EML5: variants seen among roughly 807,000 people sequenced by gnomAD.
The protein encoded by EML5 is echinoderm microtubule-associated protein-like 5.
A neutral mutation model predicts 250.0 loss-of-function variants in EML5; 120 were observed. That is an observed-to-expected ratio of 0.48 (90% CI 0.41 to 0.56). The LOEUF is 0.56. Among genes scored for constraint, EML5 ranks in the 20% least tolerant of loss-of-function variants. EML5 has a pLI of 0.00. For missense variants in EML5, 2,006 were observed against 2,437.6 expected, an observed-to-expected ratio of 0.82 and a Z score of 3.73; for synonymous variants, 771 against 806.5, an observed-to-expected ratio of 0.96 and a Z score of 0.75.
At chr14:88,743,433 G>C (rs1053350760) in intron 4 of EML5, among the ~76,000 whole-genome samples, 1 of 152,002 alleles carries the variant, frequency 6.6e-6, no homozygotes, top group Non-Finnish European at 1.5e-5. Context: ...TCAAATCAGG[G>C]AGCAAATATA....
At chr14:88,712,086 A>G (rs763388774) in intron 10 of EML5, among the ~76,000 whole-genome samples, 185 bp downstream of exon 10, 1 of 152,240 alleles carries the variant, frequency 6.6e-6, no homozygotes, top group Admixed American at 6.5e-5. Flanking sequence ...ATTTTCTAAT[A>G]AAACTTCATG....
intron 6 of EML5, among the ~76,000 whole-genome samples, chr14:88,737,650 T>C (rs11850506): frequency 0.011 from 1,610 of 152,356 alleles, 30 homozygotes; most frequent in African/African-American, 0.036. Flanking sequence ...AGAAGAAATA[T>C]GTAAGTCCTT....
At chr14:88,701,130 G>C (rs2093200233) in intron 14 of EML5, among the ~76,000 whole-genome samples, 1 of 152,082 alleles carries the variant, frequency 6.6e-6, no homozygotes, top group Non-Finnish European at 1.5e-5. Context: ...ACCAGGCTTT[G>C]TACATATTTC....
At chr14:88,723,368 G>C (rs2093619268) in intron 8 of EML5, among the ~76,000 whole-genome samples, 1 of 152,184 alleles carries the variant, frequency 6.6e-6, no homozygotes, top group African/African-American at 2.4e-5. Flanking sequence ...GACAGATACT[G>C]CATGATCTTG....
chr14:88,702,970 G>C (rs1388033287), intron 13 of EML5, among the ~76,000 whole-genome samples: 1 of 151,940 alleles, frequency 6.6e-6, no homozygotes, highest in African/African-American at 2.4e-5. Flanking sequence ...GCCCAGGCTG[G>C]TCTCAAACTC....
At chr14:88,683,635 C>T (rs1192449545) in intron 20 of EML5, among the ~76,000 whole-genome samples, 1 of 152,102 alleles carries the variant, frequency 6.6e-6, no homozygotes, top group African/African-American at 2.4e-5. Context: ...CATATCACAA[C>T]CAAGTGGGAT....
At chr14:88,776,582 T>G (rs763518357) in intron 1 of EML5, among the ~76,000 whole-genome samples, 11 of 151,042 alleles carry the variant, frequency 7.3e-5, no homozygotes, top group Admixed American at 5.9e-4. Context: ...AAAGAAAAAA[T>G]AAAAAACAAT....
At chr14:88,738,490 C>CCTGA (rs1184469727) in intron 6 of EML5, among the ~76,000 whole-genome samples, 1 of 151,536 alleles carries the variant, frequency 6.6e-6, no homozygotes, top group Non-Finnish European at 1.5e-5. Context: ...TTTAAATTAT[C>CCTGA]CTGAACAAAA....
intron 1 of EML5, among the ~76,000 whole-genome samples, chr14:88,755,734 TATA>T (rs2094149999): frequency 6.6e-6 from 1 of 152,130 alleles, no homozygotes; most frequent in Non-Finnish European, 1.5e-5. Context: ...GGCTCATGCC[TATA>T]ATATCAGTGC....
intron 17 of EML5, among the ~76,000 whole-genome samples, chr14:88,688,769 A>G (rs1233363743): frequency 6.6e-6 from 1 of 152,224 alleles, no homozygotes; most frequent in African/African-American, 2.4e-5. Flanking sequence ...AAGAATACAA[A>G]AAGGCATTTA....
chr14:88,677,010 T>C (rs1200129516), intron 21 of EML5, among the ~76,000 whole-genome samples: 1 of 152,154 alleles, frequency 6.6e-6, no homozygotes, highest in Admixed American at 6.5e-5. Flanking sequence ...GTTCAAGCAA[T>C]TCTCTTGCCT....
chr14:88,704,935 T>C lies in EML5; in HGVS notation c.1976A>G (p.Glu659Gly). ...TTTAGAAGTAGCACTTTTTTGTTTCTCTTTGCACTGTTCTTTAAGCTGAGG... is the reference window on the plus strand; with the variant it reads ...TTTAGAAGTAGCACTTTTTTGTTTCCCTTTGCACTGTTCTTTAAGCTGAGG... ...DLPQLKEQCK[E>G]KQKSATSKRR... Residue 659 changes from glutamate (E) to glycine (G), a missense_variant, in exon 13 of 44, where the codon GAG becomes GGG. Glu to Gly is a moderately conservative substitution (Grantham distance 98). Coordinates refer to ENST00000554922, the MANE Select transcript of EML5 (RefSeq NM_183387.3). 1.2e-6 allele frequency: 2 copies of C among 1,613,176 alleles called. No individual in the cohort carries two copies.
At position 88,735,102 on chromosome 14, in the gene EML5, G is replaced by A. The variant is rs183677642; in HGVS notation, c.1049+1262C>T. Among the ~76,000 whole-genome samples, 640 of 152,228 alleles carry A rather than the reference G, an allele frequency of 4.2e-3. 3 individuals are homozygous for A. Among genetic ancestry groups the A allele is most frequent in the Non-Finnish European group, 7.0e-3 (476 of 67,982 alleles). On this transcript the variant is annotated intron_variant, in intron 7 of 43. Transcript: ENST00000554922. ...TCAGGGAAAAAAAAGACAAACTGGGGTAAACAAATCTCAATTCCTAAATTT... is the reference window on the plus strand; with the variant it reads ...TCAGGGAAAAAAAAGACAAACTGGGATAAACAAATCTCAATTCCTAAATTT...
Position 88,754,583 on chromosome 14 carries a change from G to T in EML5, c.286C>A (p.Gln96Lys), listed in dbSNP as rs192807332. The stretch of plus-strand genomic sequence containing the variant: ...ACATCCTTTAAAACTGATATGGTCT[G>T]CACAGTGTATGAATCCCAAATACAA... ...YICIWDSYTVQTISVLKDVHT... is the reference protein window; with the variant it reads ...YICIWDSYTVKTISVLKDVHT... Residue 96 changes from glutamine (Q) to lysine (K), a missense_variant, in exon 2 of 44, where the codon CAG becomes AAG. By Grantham distance (53) the Gln-to-Lys change is moderately conservative. This residue lies in a region of EML5 where 162 missense variants were observed against 212.2 expected (regional missense o/e 0.76). Transcript: ENST00000554922. The T allele has an allele frequency of 3.7e-5, 60 of 1,613,572 alleles. No individual in the cohort carries two copies. The East Asian group carries it at 9.6e-4, about 26-fold the overall frequency.
chr14:88,792,577 A>T lies in EML5; in HGVS notation c.-74T>A. 1 of 1,198,642 alleles carries T rather than the reference A, an allele frequency of 8.3e-7. No homozygotes were observed. The highest frequency in any genetic ancestry group is 1.0e-6 in the Non-Finnish European group (1 of 963,802). The allele number at this position is 1,198,642 out of a possible 1,614,324, so 74.3% of individuals were successfully genotyped here. A position where few individuals can be genotyped will look rare whatever the true frequency, so the allele number is the denominator to read the frequency against. On this transcript the variant is annotated 5_prime_UTR_variant, in exon 1 of 44. Coordinates refer to ENST00000554922, the MANE Select transcript of EML5 (RefSeq NM_183387.3). This position sits in a 1 kb window ranked among gnomAD's most constrained non-coding sequence, Gnocchi z 6.9. ...GAGGCGGCGGCGGCCCGGCAACGAA[A>T]GCCCTCCCGCTGGCTGCCGGGACTT...
intron 22 of EML5, among the ~76,000 whole-genome samples, chr14:88,664,891 C>CA (rs2092260775): frequency 6.6e-6 from 1 of 151,610 alleles, no homozygotes; most frequent in African/African-American, 2.4e-5. Context: ...TTGTATTTAA[C>CA]AAAACTCCCT....
chr14:88,716,249 G>GA (rs2093491303), intron 8 of EML5, among the ~76,000 whole-genome samples: 1 of 152,136 alleles, frequency 6.6e-6, no homozygotes, highest in Non-Finnish European at 1.5e-5. Context: ...AATAGAAATA[G>GA]AAAAATGAGC....
At chr14:88,770,884 A>G (rs184582179) in intron 1 of EML5, among the ~76,000 whole-genome samples, 1 of 152,358 alleles carries the variant, frequency 6.6e-6, no homozygotes, top group Non-Finnish European at 1.5e-5. Context: ...TCTGAAATAT[A>G]TGGAAAGAAC....
In EML5 at chr14:88,792,464, C is replaced by G; in HGVS notation, c.40G>C (p.Glu14Gln). The change falls in exon 1 of 44, where the codon GAG (glutamate) becomes CAG (glutamine). Residue 14 changes from glutamate to glutamine, a missense_variant. By Grantham distance (29) the Glu-to-Gln change is conservative. This residue lies in a region of EML5 where 162 missense variants were observed against 212.2 expected (regional missense o/e 0.76). Coordinates refer to ENST00000554922, the MANE Select transcript of EML5 (RefSeq NM_183387.3). The surrounding 1 kb of genome is among the most constrained non-coding windows in gnomAD (Gnocchi z 6.9). ...TGGCCCCGGTAGCCGTACACCCACT[C>G]GAGCCGCAGGTGGCAGCTCGGGGCG... is the stretch of plus-strand genomic sequence containing the variant. ...RSAPSCHLRLEWVYGYRGHQC... is the reference protein window; with the variant it reads ...RSAPSCHLRLQWVYGYRGHQC... 1 of 1,505,396 alleles carries G rather than the reference C, an allele frequency of 6.6e-7. No individual in the cohort carries two copies. Among genetic ancestry groups the G allele is most frequent in the Non-Finnish European group, 8.9e-7 (1 of 1,125,090 alleles). 93.3% of individuals were successfully genotyped at this position (1,505,396 alleles called of 1,614,324 possible). A position where few individuals can be genotyped will look rare whatever the true frequency, so the allele number is the denominator to read the frequency against.
Sources: allele counts gnomAD v4.1 joint callset (sites outside exome capture counted in the v4.1 genomes callset), GRCh38; gene constraint gnomAD v4.1.1; regional missense constraint gnomAD v4.1.1; non-coding constraint Gnocchi (gnomAD v3.1); transcripts MANE v1.5; gene names NCBI Gene and HGNC (gene_info 2026-07-23, HGNC 2026-07-21).